ANKRD6: variants seen among roughly 807,000 people sequenced by gnomAD.
ANKRD6 encodes ankyrin repeat domain 6.
A neutral mutation model predicts 82.3 loss-of-function variants in ANKRD6; 56 were observed. The observed-to-expected ratio is 0.68, with a 90% CI of 0.55 to 0.85. The LOEUF (loss-of-function observed/expected upper bound fraction) is 0.85. Ranked by LOEUF, ANKRD6 falls within the 40% of genes least tolerant of loss-of-function variation. The pLI is 0.00. For synonymous variants in ANKRD6, 347 were observed against 352.1 expected (o/e 0.99, Z 0.16); for missense variants, 852 against 907.6 (o/e 0.94, Z 0.79).
At chr6:89,481,870 A>T (rs144156692) in intron 1 of ANKRD6, among the ~76,000 whole-genome samples, 4 of 152,196 alleles carry the variant, frequency 2.6e-5, no homozygotes, top group Admixed American at 2.6e-4. Context: ...GCCTTCTACT[A>T]TGTGATGAAG....
intron 1 of ANKRD6, among the ~76,000 whole-genome samples, chr6:89,517,975 T>A (rs2127959151): frequency 6.6e-6 from 1 of 152,340 alleles, no homozygotes; most frequent in Non-Finnish European, 1.5e-5. Context: ...ATGGATTCAT[T>A]CAATAGTTAT....
At chr6:89,436,683 C>A (rs1770677678) in intron 1 of ANKRD6, among the ~76,000 whole-genome samples, 1 of 152,130 alleles carries the variant, frequency 6.6e-6, no homozygotes. Flanking sequence ...ATAGGGAATT[C>A]ATGTACTATT....
intron 1 of ANKRD6, among the ~76,000 whole-genome samples, chr6:89,551,894 A>C (rs1785902874): frequency 6.6e-6 from 1 of 152,238 alleles, no homozygotes. Context: ...GATTCTGGGC[A>C]TTAAAAACAC....
At chr6:89,553,689 A>G (rs891543496) in intron 1 of ANKRD6, among the ~76,000 whole-genome samples, 1 of 152,124 alleles carries the variant, frequency 6.6e-6, no homozygotes, top group African/African-American at 2.4e-5. Context: ...AGTCTGACTC[A>G]GCTGGCAGCT....
chr6:89,435,255 A>G (rs56270531), intron 1 of ANKRD6, among the ~76,000 whole-genome samples: 11,937 of 152,190 alleles, frequency 0.078, 583 homozygotes, highest in South Asian at 0.15. Flanking sequence ...AAGAATAACA[A>G]TAGATCACAC....
chr6:89,500,412 G>T (rs1779136679), intron 1 of ANKRD6, among the ~76,000 whole-genome samples: 1 of 152,168 alleles, frequency 6.6e-6, no homozygotes, highest in Non-Finnish European at 1.5e-5. Context: ...CTCTGGAAAT[G>T]GAATGAATAT....
intron 2 of ANKRD6, among the ~76,000 whole-genome samples, chr6:89,582,689 A>C (rs1179098270): frequency 6.6e-6 from 1 of 151,326 alleles, no homozygotes; most frequent in African/African-American, 2.4e-5. Context: ...GTCTCTATGA[A>C]TTTGTGATCC....
At chr6:89,593,497 GC>G (rs1200138200) in intron 2 of ANKRD6, among the ~76,000 whole-genome samples, 1 of 152,144 alleles carries the variant, frequency 6.6e-6, no homozygotes, top group African/African-American at 2.4e-5. Flanking sequence ...GCTTTTTATA[GC>G]CCACTTTTTT....
chr6:89,589,814 C>T lies in ANKRD6; in HGVS notation c.121-6102C>T, dbSNP rs78128428. On this transcript the variant is annotated intron_variant, in intron 2 of 15. Transcript: ENST00000339746. ...GGACACATTTTTGTGGTTGTTGCTT[C>T]GCAACATCTCAAGACCCTTTGATTT... Among the ~76,000 whole-genome samples the T allele has an allele frequency of 3.0e-4, 46 of 152,316 alleles. No homozygotes were observed. The East Asian group carries it at 5.4e-3, about 18-fold the overall frequency.
At chr6:89,570,777 T>G (rs1789675882) in intron 2 of ANKRD6, among the ~76,000 whole-genome samples, 1 of 152,248 alleles carries the variant, frequency 6.6e-6, no homozygotes, top group Non-Finnish European at 1.5e-5. Flanking sequence ...CCACATCTGG[T>G]TTATCCCTTC....
intron 1 of ANKRD6, among the ~76,000 whole-genome samples, chr6:89,549,093 C>T (rs533270833): frequency 4.6e-4 from 70 of 152,040 alleles, no homozygotes; most frequent in African/African-American, 1.7e-3. Context: ...ACCTGTAGTC[C>T]CAGCTATTTG....
chr6:89,633,662 A>G lies in ANKRD6; in HGVS notation c.*2658A>G, dbSNP rs1443646122. On this transcript the variant is annotated 3_prime_UTR_variant, in exon 16 of 16. Coordinates refer to ENST00000339746, the MANE Select transcript of ANKRD6 (RefSeq NM_001242809.2). The stretch of plus-strand genomic sequence containing the variant: ...TTTTGATTTTGGGAGCCCAAAATAA[A>G]GGGAGTGTTGTTTTCATGGTTATGC... 6.6e-6 allele frequency: 1 copy of G among 152,214 alleles called. No homozygotes were observed. Among genetic ancestry groups the G allele is most frequent in the African/African-American group, 2.4e-5 (1 of 41,452 alleles). The allele number at this position is 152,214 out of a possible 1,614,324, so 9.4% of individuals were successfully genotyped here.
intron 1 of ANKRD6, among the ~76,000 whole-genome samples, chr6:89,531,655 C>T (rs1050527487): frequency 1.3e-5 from 2 of 152,212 alleles, no homozygotes; most frequent in African/African-American, 4.8e-5. Flanking sequence ...AAATGCCCTC[C>T]TGGGGTTCAC....
chr6:89,580,577 A>G (rs1020358693), intron 2 of ANKRD6, among the ~76,000 whole-genome samples: 1 of 152,118 alleles, frequency 6.6e-6, no homozygotes, highest in Admixed American at 6.5e-5. Context: ...CAGGCTCTGC[A>G]CCGAGAGGCT....
chr6:89,483,823 G>T (rs55833604), intron 1 of ANKRD6, among the ~76,000 whole-genome samples: 9,066 of 152,256 alleles, frequency 0.06, 291 homozygotes, highest in South Asian at 0.13. Flanking sequence ...AGGTTCAAAG[G>T]ACTTTTTGAA....
intron 3 of ANKRD6, chr6:89,598,139 T>A: frequency 1.0e-6 from 1 of 985,448 alleles, no homozygotes; most frequent in Non-Finnish European, 1.2e-6. Context: ...AGTTGAAGAA[T>A]GACCTCCAGT....
chr6:89,538,222 A>T (rs968237248), intron 1 of ANKRD6, among the ~76,000 whole-genome samples: 4 of 152,168 alleles, frequency 2.6e-5, no homozygotes, highest in Non-Finnish European at 1.5e-5. Flanking sequence ...TTTCTTCTCC[A>T]TCTCATTTTT....
At chr6:89,491,253 A>G (rs1437078906) in intron 1 of ANKRD6, among the ~76,000 whole-genome samples, 2 of 152,152 alleles carry the variant, frequency 1.3e-5, no homozygotes, top group Admixed American at 1.3e-4. Context: ...CATGGTCTGG[A>G]TTTTCATAGG....
At chr6:89,604,218 C>A (rs12189706) in intron 4 of ANKRD6, among the ~76,000 whole-genome samples, 15,360 of 152,068 alleles carry the variant, frequency 0.1, 1,041 homozygotes, top group Middle Eastern at 0.16. Context: ...AACTCAGCTA[C>A]TTGGGAGGCT....
Sources: gnomAD v4.1 joint callset for allele counts (sites outside exome capture counted in the v4.1 genomes callset) on GRCh38, gnomAD v4.1.1 for gene constraint, MANE v1.5 for transcripts, NCBI Gene and HGNC (gene_info 2026-07-23, HGNC 2026-07-21) for gene names.